CHSY1: variants seen among roughly 807,000 people sequenced by gnomAD.
The protein encoded by CHSY1 is N-acetylgalactosaminyl-proteoglycan 3-beta-glucuronosyltransferase 1.
A neutral mutation model predicts 59.8 loss-of-function variants in CHSY1; 13 were observed. The ratio of observed to expected loss-of-function variants is 0.22; its 90% confidence interval spans 0.14 to 0.35. The LOEUF is 0.35. CHSY1 is among the 10% of genes least tolerant of loss of function. CHSY1 has a pLI of 1.00. For synonymous variants in CHSY1, 459 were observed against 401.2 expected (o/e 1.14, Z -1.72); for missense variants, 947 against 1,030.6 (o/e 0.92, Z 1.11).
chr15:101,218,907 T>A (rs1273018391), intron 2 of CHSY1, among the ~76,000 whole-genome samples: 1 of 152,224 alleles, frequency 6.6e-6, no homozygotes, highest in Non-Finnish European at 1.5e-5. Context: ...ACTTTATTGG[T>A]TCTTTTCAAA....
rs183468670 is a variant in CHSY1 at position 101,212,417 on chromosome 15, A to C, written c.816+22665T>G. Among the ~76,000 whole-genome samples the C allele has an allele frequency of 3.3e-5, 5 of 152,370 alleles. No homozygotes were observed. In the East Asian group the frequency reaches 9.6e-4, roughly 29 times the overall value. On this transcript the variant is annotated intron_variant, in intron 2 of 2. Transcript: ENST00000254190. ...ATAGTAAAAAAACTAGAAATACTCC[A>C]GGTGAAGTTTACTAAGCAATAAAAA... is the stretch of plus-strand genomic sequence containing the variant.
At chr15:101,208,210 C>T (rs1329205404) in intron 2 of CHSY1, among the ~76,000 whole-genome samples, 1 of 152,118 alleles carries the variant, frequency 6.6e-6, no homozygotes, top group African/African-American at 2.4e-5. Context: ...CCCTGGTCAG[C>T]CCACTGCTCA....
At chr15:101,185,091 T>C (rs759665241) in intron 2 of CHSY1, among the ~76,000 whole-genome samples, 18 of 152,322 alleles carry the variant, frequency 1.2e-4, no homozygotes, top group Non-Finnish European at 2.4e-4. Flanking sequence ...CTTCAGCCAA[T>C]TTCTGTACAA....
intron 2 of CHSY1, among the ~76,000 whole-genome samples, chr15:101,218,821 C>T (rs989757315): frequency 3.9e-5 from 6 of 152,126 alleles, no homozygotes; most frequent in African/African-American, 1.4e-4. Flanking sequence ...CATGAGTATA[C>T]GAAAAGTATC....
chr15:101,245,922 G>A (rs2039046519), intron 1 of CHSY1, among the ~76,000 whole-genome samples: 1 of 152,204 alleles, frequency 6.6e-6, no homozygotes. Context: ...AGAAAGTGAG[G>A]ACTGCTCTGA....
intron 1 of CHSY1, among the ~76,000 whole-genome samples, chr15:101,248,956 T>TA (rs1481735230): frequency 7.7e-6 from 1 of 130,422 alleles, no homozygotes; most frequent in Non-Finnish European, 1.5e-5. Context: ...CTGGCTAATT[T>TA]TTTTTTTTTT....
At chr15:101,200,606 G>A (rs1395463915) in intron 2 of CHSY1, among the ~76,000 whole-genome samples, 1 of 152,164 alleles carries the variant, frequency 6.6e-6, no homozygotes, top group African/African-American at 2.4e-5. Flanking sequence ...CCCCAGATGG[G>A]TCAGGGACCA....
At chr15:101,232,637 C>T (rs2038902752) in intron 2 of CHSY1, among the ~76,000 whole-genome samples, 1 of 152,186 alleles carries the variant, frequency 6.6e-6, no homozygotes, top group African/African-American at 2.4e-5. Context: ...CATTAGATTG[C>T]ACTTAGATTC....
chr15:101,201,401 G>A (rs1213216692), intron 2 of CHSY1, among the ~76,000 whole-genome samples: 1 of 152,222 alleles, frequency 6.6e-6, no homozygotes, highest in African/African-American at 2.4e-5. Flanking sequence ...ATAGAACAAG[G>A]TGGGGACGAG....
intron 1 of CHSY1, among the ~76,000 whole-genome samples, chr15:101,247,191 T>G (rs1299015305): frequency 6.6e-6 from 1 of 152,166 alleles, no homozygotes; most frequent in Non-Finnish European, 1.5e-5. Flanking sequence ...CTTCTTTTAC[T>G]GGCCTTCTTG....
intron 2 of CHSY1, among the ~76,000 whole-genome samples, chr15:101,199,794 G>C (rs2038552005): frequency 1.3e-5 from 2 of 152,192 alleles, no homozygotes; most frequent in African/African-American, 2.4e-5. Context: ...TATAGATTCA[G>C]TCTACTTCGG....
chr15:101,191,627 T>C (rs370027387), intron 2 of CHSY1, among the ~76,000 whole-genome samples: 21 of 152,224 alleles, frequency 1.4e-4, no homozygotes, highest in East Asian at 5.8e-4. Context: ...ACCACCACTC[T>C]GGTACAAGGT....
At chr15:101,205,474 A>C (rs936126113) in intron 2 of CHSY1, among the ~76,000 whole-genome samples, 1 of 152,244 alleles carries the variant, frequency 6.6e-6, no homozygotes, top group Non-Finnish European at 1.5e-5. Flanking sequence ...TAACTAGAGA[A>C]AACACACAGG....
chr15:101,218,777 C>T (rs1186065340), intron 2 of CHSY1, among the ~76,000 whole-genome samples: 1 of 152,148 alleles, frequency 6.6e-6, no homozygotes, highest in African/African-American at 2.4e-5. Context: ...CTCTATGAGG[C>T]CCAACAGCTG....
chr15:101,185,518 C>T (rs2038347770), intron 2 of CHSY1, among the ~76,000 whole-genome samples: 1 of 151,624 alleles, frequency 6.6e-6, no homozygotes, highest in African/African-American at 2.4e-5. Context: ...CCTCCATCCC[C>T]CTTCCCTGTG....
intron 2 of CHSY1, among the ~76,000 whole-genome samples, chr15:101,231,068 T>G (rs2038887865): frequency 6.6e-6 from 1 of 152,090 alleles, no homozygotes; most frequent in African/African-American, 2.4e-5. Context: ...CCTAGAGTGG[T>G]ATGGGGCTGT....
Position 101,202,462 on chromosome 15 carries a change from G to A in CHSY1, c.817-23482C>T, listed in dbSNP as rs533825673. ...AGCAGAGGCTGCAGGGAAGGATGGA[G>A]CGCATTTCTGCAGGAGGGGCAGTGG... On this transcript the variant is annotated intron_variant, in intron 2 of 2. Transcript: ENST00000254190. Among the ~76,000 whole-genome samples, 6 of 70,504 alleles carry A rather than the reference G, an allele frequency of 8.5e-5. No homozygotes were observed. The East Asian group carries it at 2.5e-3, about 29-fold the overall frequency. The allele number at this position is 70,504 out of a possible 152,430, so 46.3% of individuals were successfully genotyped here.
intron 2 of CHSY1, among the ~76,000 whole-genome samples, chr15:101,198,696 CACTT>C (rs1197055153): frequency 6.6e-6 from 1 of 152,214 alleles, no homozygotes; most frequent in African/African-American, 2.4e-5. Context: ...AAAACAGAAA[CACTT>C]ACATCTGTAA....
At chr15:101,195,799 T>C (rs1235590989) in intron 2 of CHSY1, among the ~76,000 whole-genome samples, 1 of 130,356 alleles carries the variant, frequency 7.7e-6, no homozygotes, top group Non-Finnish European at 1.6e-5. Flanking sequence ...CACTCCAGCT[T>C]GGGTGACAGC....
Sources: gnomAD v4.1 joint callset for allele counts (sites outside exome capture counted in the v4.1 genomes callset) on GRCh38, gnomAD v4.1.1 for gene constraint, MANE v1.5 for transcripts, NCBI Gene and HGNC (gene_info 2026-07-23, HGNC 2026-07-21) for gene names.